Variants in SPAG16 observed in about 807,000 individuals in gnomAD.
The protein encoded by SPAG16 is sperm associated antigen 16.
A neutral mutation model predicts 80.4 loss-of-function variants in SPAG16; 86 were observed. That is an observed-to-expected ratio of 1.07 (90% CI 0.90 to 1.28). The LOEUF is 1.28. SPAG16 is among the 50% of genes most tolerant of loss of function. The pLI is 0.00. For synonymous variants in SPAG16, 294 were observed against 265.9 expected (o/e 1.11, Z -1.03); for missense variants, 870 against 765.3 (o/e 1.14, Z -1.61).
At chr2:213,332,694 T>C (rs1335312516) in intron 5 of SPAG16, among the ~76,000 whole-genome samples, 1 of 152,200 alleles carries the variant, frequency 6.6e-6, no homozygotes, top group East Asian at 1.9e-4. Flanking sequence ...GTGGGAATTA[T>C]TCCAGGGATG....
intron 11 of SPAG16, among the ~76,000 whole-genome samples, chr2:213,907,808 G>A (rs1371320487): frequency 6.6e-6 from 1 of 152,052 alleles, no homozygotes. Context: ...CTCTCATGTG[G>A]GAGCTAAAAA....
chr2:213,633,812 A>T lies in SPAG16; in HGVS notation c.1070+143722A>T, dbSNP rs577142343. ...TCTCTTCTTATAGTTTTTGTCTTGAAATCTATTTTGTCTGATAGAAGTATC... is the reference window on the plus strand; with the variant it reads ...TCTCTTCTTATAGTTTTTGTCTTGATATCTATTTTGTCTGATAGAAGTATC... On this transcript the variant is annotated intron_variant, in intron 10 of 15. Coordinates refer to ENST00000331683, the MANE Select transcript of SPAG16 (RefSeq NM_024532.5). Among the ~76,000 whole-genome samples, 7 of 152,200 alleles carry T rather than the reference A, an allele frequency of 4.6e-5. No individual in the cohort carries two copies. In the South Asian group the frequency reaches 6.2e-4, roughly 14 times the overall value.
rs74327137 is a variant in SPAG16 at position 214,038,156 on chromosome 2, A to T, written c.1527+24079A>T. Among the ~76,000 whole-genome samples the T allele has an allele frequency of 9.0e-3, 1,367 of 151,928 alleles. 20 individuals carry two copies. The highest frequency in any genetic ancestry group is 0.032 in the African/African-American group (1,310 of 41,424). The stretch of plus-strand genomic sequence containing the variant: ...TTTCTCTATACAAAGTAGAGTATTG[A>T]CCTCTTTTATTCTATTTTGTAATTT... On this transcript the variant is annotated intron_variant, in intron 13 of 15. Coordinates refer to ENST00000331683, the MANE Select transcript of SPAG16 (RefSeq NM_024532.5).
At chr2:213,938,786 G>C (rs1258733251) in intron 12 of SPAG16, among the ~76,000 whole-genome samples, 2 of 151,924 alleles carry the variant, frequency 1.3e-5, no homozygotes, top group Non-Finnish European at 2.9e-5. Flanking sequence ...AATTTTGGCA[G>C]CATTAAACTA....
At chr2:213,994,922 T>G (rs2106463507) in intron 12 of SPAG16, among the ~76,000 whole-genome samples, 1 of 152,314 alleles carries the variant, frequency 6.6e-6, no homozygotes. Flanking sequence ...GCATCTTTTC[T>G]TATGTGTTCT....
At chr2:214,099,124 G>A (rs2052811402) in intron 13 of SPAG16, among the ~76,000 whole-genome samples, 2 of 152,050 alleles carry the variant, frequency 1.3e-5, no homozygotes, top group South Asian at 4.1e-4. Flanking sequence ...CAGGGCTGTA[G>A]AACTGTTGCT....
intron 10 of SPAG16, among the ~76,000 whole-genome samples, chr2:213,629,738 A>C (rs2062077804): frequency 6.6e-6 from 1 of 152,120 alleles, no homozygotes; most frequent in Non-Finnish European, 1.5e-5. Context: ...CTAATAGTTG[A>C]CTTCTGGCTG....
At chr2:214,150,745 A>G (rs1257269465) in intron 15 of SPAG16, among the ~76,000 whole-genome samples, 1 of 151,502 alleles carries the variant, frequency 6.6e-6, no homozygotes, top group East Asian at 1.9e-4. Flanking sequence ...AATAATAGCC[A>G]TGTATTTTAT....
At chr2:213,622,156 C>T (rs1163173694) in intron 10 of SPAG16, among the ~76,000 whole-genome samples, 1 of 152,110 alleles carries the variant, frequency 6.6e-6, no homozygotes, top group Non-Finnish European at 1.5e-5. Flanking sequence ...ATGGACCACC[C>T]AATAGTCCCA....
At chr2:214,119,765 G>A (rs918605520) in intron 14 of SPAG16, among the ~76,000 whole-genome samples, 1 of 151,684 alleles carries the variant, frequency 6.6e-6, no homozygotes, top group African/African-American at 2.4e-5. Flanking sequence ...TCTTGCTAAC[G>A]ATAGTCTCTC....
chr2:213,739,937 A>T (rs1286304350), intron 10 of SPAG16, among the ~76,000 whole-genome samples: 1 of 152,160 alleles, frequency 6.6e-6, no homozygotes, highest in Non-Finnish European at 1.5e-5. Context: ...ATTAAATATA[A>T]ATATAACTTG....
At chr2:214,206,854 T>G (rs2058158211) in intron 15 of SPAG16, among the ~76,000 whole-genome samples, 1 of 152,156 alleles carries the variant, frequency 6.6e-6, no homozygotes, top group South Asian at 2.1e-4. Context: ...AATATCTCAT[T>G]GTAGTTTTGA....
chr2:214,285,767 C>T (rs1912197), intron 15 of SPAG16, among the ~76,000 whole-genome samples: 48,672 of 151,932 alleles, frequency 0.32, 7,988 homozygotes, highest in East Asian at 0.5. Flanking sequence ...CACACCACTA[C>T]ACTCCAGCCC....
At chr2:214,162,106 C>T (rs2056464317) in intron 15 of SPAG16, among the ~76,000 whole-genome samples, 2 of 152,192 alleles carry the variant, frequency 1.3e-5, no homozygotes, top group South Asian at 4.1e-4. Flanking sequence ...ATCTTCCTGA[C>T]TTATAGAAGC....
At chr2:213,756,821 A>G (rs928479631) in intron 10 of SPAG16, among the ~76,000 whole-genome samples, 2 of 152,170 alleles carry the variant, frequency 1.3e-5, no homozygotes, top group Non-Finnish European at 2.9e-5. Context: ...TAAATGATGT[A>G]ATAACTGTTA....
At chr2:214,033,922 C>A (rs2048549913) in intron 13 of SPAG16, among the ~76,000 whole-genome samples, 1 of 152,178 alleles carries the variant, frequency 6.6e-6, no homozygotes, top group African/African-American at 2.4e-5. Context: ...AATTTGTTAA[C>A]CTGCCCCAAT....
At chr2:213,674,975 G>C (rs1221788798) in intron 10 of SPAG16, among the ~76,000 whole-genome samples, 4 of 149,912 alleles carry the variant, frequency 2.7e-5, no homozygotes, top group Non-Finnish European at 5.9e-5. Flanking sequence ...CTTCCACAAT[G>C]GTTGAACTAG....
chr2:213,389,116 CATAT>C (rs2067603326), intron 9 of SPAG16, among the ~76,000 whole-genome samples: 1 of 152,158 alleles, frequency 6.6e-6, no homozygotes, highest in African/African-American at 2.4e-5. Flanking sequence ...TAAACCCTCA[CATAT>C]ATGATCAAAT....
chr2:213,685,348 T>C (rs757727099), intron 10 of SPAG16, among the ~76,000 whole-genome samples: 1 of 152,180 alleles, frequency 6.6e-6, no homozygotes, highest in Non-Finnish European at 1.5e-5. Flanking sequence ...GGAAAGACTA[T>C]GTGAAGAGAC....
Sources: allele counts gnomAD v4.1 joint callset (sites outside exome capture counted in the v4.1 genomes callset), GRCh38; gene constraint gnomAD v4.1.1; transcripts MANE v1.5; gene names NCBI Gene and HGNC (gene_info 2026-07-23, HGNC 2026-07-21).